VIPAS39: variants seen among roughly 807,000 people sequenced by gnomAD.
VIPAS39 encodes the protein VPS33B interacting protein, apical-basolateral polarity regulator, spe-39 homolog.
In VIPAS39, 63 loss-of-function variants were observed where a neutral mutation model predicts 84.7. The observed-to-expected ratio is 0.74, with a 90% CI of 0.61 to 0.92. VIPAS39 has a LOEUF of 0.92. Among genes scored for constraint, VIPAS39 ranks in the 40% least tolerant of loss-of-function variants. The pLI is 0.00. For synonymous variants in VIPAS39, 192 were observed against 216.5 expected (o/e 0.89, Z 0.99); for missense variants, 499 against 604.5 (o/e 0.83, Z 1.83).
intron 14 of VIPAS39, chr14:77,435,022 G>A (rs1360706398): frequency 1.8e-6 from 1 of 569,240 alleles, no homozygotes; most frequent in East Asian, 3.2e-5. Context: ...CAGCACCAGG[G>A]ACAGAACTTG....
intron 3 of VIPAS39, among the ~76,000 whole-genome samples, chr14:77,451,583 C>CT (rs376834498): frequency 2.0e-5 from 3 of 152,012 alleles, no homozygotes; most frequent in African/African-American, 7.2e-5. Flanking sequence ...TCTTTTTTCT[C>CT]TTTTTTTCTT....
Position 77,454,105 on chromosome 14 carries a change from A to G in VIPAS39, c.1-3T>C, listed in dbSNP as rs1165272759. 6.2e-7 allele frequency: 1 copy of G among 1,614,074 alleles called. No homozygotes were observed. On this transcript the variant is annotated splice_region_variant and splice_polypyrimidine_tract_variant and intron_variant, in intron 1 of 19. Coordinates refer to ENST00000557658, the MANE Select transcript of VIPAS39 (RefSeq NM_001193315.2). ...TCATCACCCTTTGTCCGATTCATCT[A>G]CAGTGACAGGAAAACATACATTGCC...
At chr14:77,456,352 AT>A (rs1304581313) in intron 1 of VIPAS39, among the ~76,000 whole-genome samples, 1 of 152,228 alleles carries the variant, frequency 6.6e-6, no homozygotes, top group Admixed American at 6.5e-5. Flanking sequence ...AATCCTAAAG[AT>A]TAAAAAAAAT....
At chr14:77,441,257 TG>T (rs2078699215) in intron 10 of VIPAS39, 164 bp from the exon 11 acceptor site, 1 of 743,496 alleles carries the variant, frequency 1.3e-6, no homozygotes, top group Admixed American at 2.3e-5. Flanking sequence ...CTGGTCTCTC[TG>T]GCTGAACAAA....
At chr14:77,443,768 G>A (rs910772327) in intron 8 of VIPAS39, among the ~76,000 whole-genome samples, 1 of 151,534 alleles carries the variant, frequency 6.6e-6, no homozygotes, top group Non-Finnish European at 1.5e-5. Flanking sequence ...GGTGGCCCAC[G>A]CCTGTAATCC....
At chr14:77,435,991 C>T (rs1193305156) in intron 12 of VIPAS39, 72 bp from the exon 13 acceptor site, 44 of 1,498,856 alleles carry the variant, frequency 2.9e-5, no homozygotes, top group Non-Finnish European at 4.0e-5. Context: ...AACCAAATCG[C>T]CAGCATAAGT....
At chr14:77,438,950 A>T (rs1328041674) in intron 11 of VIPAS39, among the ~76,000 whole-genome samples, 1 of 152,262 alleles carries the variant, frequency 6.6e-6, no homozygotes, top group African/African-American at 2.4e-5. Flanking sequence ...ATCATAATCC[A>T]ATCTTCGTAA....
chr14:77,449,466 TTA>T, intron 5 of VIPAS39, 109 bp from the exon 6 acceptor site: 1 of 1,423,788 alleles, frequency 7.0e-7, no homozygotes, highest in Non-Finnish European at 9.9e-7. Flanking sequence ...GCTCCCAATG[TTA>T]ACTTTATGGC....
In VIPAS39 at chr14:77,431,540, G is replaced by A. The variant is rs1010275052; in HGVS notation, c.1180-1773C>T. ...ACAAATGATGTGTTAGCAAGGGTGT[G>A]GGGAAAGGGAACTCTTGTACCCTGT... is the stretch of plus-strand genomic sequence containing the variant. On this transcript the variant is annotated intron_variant, in intron 16 of 19. Transcript: ENST00000557658. Among the ~76,000 whole-genome samples the A allele has an allele frequency of 2.0e-5, 3 of 151,954 alleles. No individual in the cohort carries two copies. In the East Asian group the frequency reaches 5.8e-4, roughly 29 times the overall value.
chr14:77,437,721 T>G, intron 12 of VIPAS39, 87 bp downstream of exon 12: 1 of 1,390,202 alleles, frequency 7.2e-7, no homozygotes, highest in South Asian at 1.2e-5. Flanking sequence ...CTCCCCTTCC[T>G]GCCTATCCAT....
chr14:77,430,514 C>T (rs1004129019), intron 16 of VIPAS39, among the ~76,000 whole-genome samples: 3 of 152,026 alleles, frequency 2.0e-5, no homozygotes, highest in East Asian at 3.9e-4. Context: ...GCCAGGAGTT[C>T]GAGACCAGCC....
Position 77,454,058 on chromosome 14 carries a change from G to C in VIPAS39, c.45C>G (p.Ser15=), listed in dbSNP as rs1171501078. 1.2e-6 allele frequency: 2 copies of C among 1,614,030 alleles called. No individual in the cohort carries two copies. Among genetic ancestry groups the C allele is most frequent in the Non-Finnish European group, 1.7e-6 (2 of 1,180,012 alleles). ...KGDEEEYWNS[S]KFKAFTFDDE... is the part of the protein sequence containing the mutation. Reference sequence around the variant, plus strand: ...CGTCAAAGGTAAAAGCCTTGAACTTGGAGCTGTTCCAATACTCCTCCTCAT... The same window carrying C: ...CGTCAAAGGTAAAAGCCTTGAACTTCGAGCTGTTCCAATACTCCTCCTCAT... Residue 15 remains serine (S), a synonymous_variant, in exon 2 of 20, where the codon TCC becomes TCG. Coordinates refer to ENST00000557658, the MANE Select transcript of VIPAS39 (RefSeq NM_001193315.2).
At chr14:77,442,909 CA>C (rs1315095701) in intron 9 of VIPAS39, among the ~76,000 whole-genome samples, 1 of 152,214 alleles carries the variant, frequency 6.6e-6, no homozygotes, top group Non-Finnish European at 1.5e-5. Context: ...CAAACCAACA[CA>C]GCCATCTGAG....
intron 1 of VIPAS39, among the ~76,000 whole-genome samples, chr14:77,456,703 A>G (rs1258484267): frequency 6.6e-6 from 1 of 152,250 alleles, no homozygotes; most frequent in Non-Finnish European, 1.5e-5. Context: ...TTATCTACAG[A>G]TAGACATAGA....
In VIPAS39 at chr14:77,451,140, T is replaced by C. The variant is rs1204197158; in HGVS notation, c.343+47A>G. 2.5e-6 allele frequency: 4 copies of C among 1,613,432 alleles called. No individual in the cohort carries two copies. The African/African-American group carries it at 5.3e-5, about 22-fold the overall frequency. Reference sequence around the variant, plus strand: ...TGAAAATTATGGCCTAAGATTTTTCTGGAAAAAGAGAAGGACTTCCCTATC... The same window carrying C: ...TGAAAATTATGGCCTAAGATTTTTCCGGAAAAAGAGAAGGACTTCCCTATC... On this transcript the variant is annotated intron_variant, in intron 4 of 19. Coordinates refer to ENST00000557658, the MANE Select transcript of VIPAS39 (RefSeq NM_001193315.2).
chr14:77,437,519 G>C (rs1203406980), intron 12 of VIPAS39, among the ~76,000 whole-genome samples: 8 of 151,836 alleles, frequency 5.3e-5, no homozygotes, highest in African/African-American at 1.7e-4. Flanking sequence ...AGAAGAGTGA[G>C]GACAAAATCC....
intron 6 of VIPAS39, among the ~76,000 whole-genome samples, chr14:77,448,959 C>T (rs1303298716): frequency 6.6e-6 from 1 of 152,150 alleles, no homozygotes; most frequent in Non-Finnish European, 1.5e-5. Context: ...AATCAATTTG[C>T]TTTATTTGTT....
intron 18 of VIPAS39, 81 bp downstream of exon 18, chr14:77,428,925 C>G: frequency 7.5e-7 from 1 of 1,332,212 alleles, no homozygotes. Flanking sequence ...ACCTCAGGAT[C>G]TTGGACAGAG....
chr14:77,449,485 C>T, intron 5 of VIPAS39, 128 bp from the exon 6 acceptor site: 1 of 1,321,966 alleles, frequency 7.6e-7, no homozygotes, highest in Non-Finnish European at 1.1e-6. Context: ...TGGCCAAAAG[C>T]AGATCTCCGT....
Sources: gnomAD v4.1 joint callset for allele counts (sites outside exome capture counted in the v4.1 genomes callset) on GRCh38, gnomAD v4.1.1 for gene constraint, MANE v1.5 for transcripts, NCBI Gene and HGNC (gene_info 2026-07-23, HGNC 2026-07-21) for gene names.